Variants in OTUB2 observed in about 807,000 individuals in gnomAD.
OTUB2 encodes the protein ubiquitin thioesterase OTUB2.
Under a neutral mutation model 25.1 loss-of-function variants are expected in OTUB2, and 21 were observed. The observed-to-expected ratio is 0.84, with a 90% confidence interval of 0.59 to 1.21. The LOEUF (loss-of-function observed/expected upper bound fraction) is 1.21. Ranked by LOEUF, OTUB2 falls within the 50% of genes most tolerant of loss-of-function variation. OTUB2 has a pLI of 0.00. For missense variants in OTUB2, 283 were observed against 298.0 expected, an observed-to-expected ratio of 0.95 and a Z score of 0.37; for synonymous variants, 122 against 122.8, an observed-to-expected ratio of 0.99 and a Z score of 0.04.
intron 1 of OTUB2, among the ~76,000 whole-genome samples, chr14:94,033,214 G>A (rs1485056528): frequency 6.6e-6 from 1 of 152,068 alleles, no homozygotes; most frequent in Non-Finnish European, 1.5e-5. Flanking sequence ...CCGGCCCTAT[G>A]TAATATTTTT....
chr14:94,043,275 T>C (rs138317343), intron 3 of OTUB2, among the ~76,000 whole-genome samples: 123 of 152,296 alleles, frequency 8.1e-4, no homozygotes, highest in African/African-American at 2.9e-3. Context: ...GAGAACTAGG[T>C]GTGGCCTTAG....
At chr14:94,026,880 G>A (rs1040887748) in intron 1 of OTUB2, among the ~76,000 whole-genome samples, 3 of 152,172 alleles carry the variant, frequency 2.0e-5, no homozygotes, top group Admixed American at 6.5e-5. Context: ...GCAGCACTAC[G>A]GGTCGCCTCC....
In OTUB2 at chr14:94,046,407, G is replaced by A. The variant is rs1305229088; in HGVS notation, c.*485G>A. On this transcript the variant is annotated 3_prime_UTR_variant, in exon 6 of 6. Transcript: ENST00000203664. ...CTTGTTGGACTGGGCTCTGACAGATGGCCTATTGAGGTCAACTTGAATGTG... is the reference window on the plus strand; with the variant it reads ...CTTGTTGGACTGGGCTCTGACAGATAGCCTATTGAGGTCAACTTGAATGTG... The A allele has an allele frequency of 5.9e-6, 1 of 168,902 alleles. No homozygotes were observed. Among genetic ancestry groups the A allele is most frequent in the African/African-American group, 2.4e-5 (1 of 42,000 alleles). 10.5% of individuals were successfully genotyped at this position (168,902 alleles called of 1,614,324 possible). A position where few individuals can be genotyped will look rare whatever the true frequency, so the allele number is the denominator to read the frequency against.
At chr14:94,035,391 G>A (rs1346286163) in intron 1 of OTUB2, among the ~76,000 whole-genome samples, 1 of 143,988 alleles carries the variant, frequency 6.9e-6, no homozygotes, top group East Asian at 2.2e-4. Context: ...CCCGGTTTAA[G>A]AAATTCTCTA....
At chr14:94,037,103 C>T (rs1885069202) in intron 1 of OTUB2, among the ~76,000 whole-genome samples, 1 of 152,174 alleles carries the variant, frequency 6.6e-6, no homozygotes, top group Admixed American at 6.5e-5. Context: ...TTGAGGTACA[C>T]ATTCTGTGAA....
intron 3 of OTUB2, among the ~76,000 whole-genome samples, chr14:94,040,921 G>A (rs533368621): frequency 2.9e-4 from 44 of 152,336 alleles, no homozygotes; most frequent in Non-Finnish European, 5.6e-4. Flanking sequence ...ATAGGGCCTT[G>A]GGCCTTTCTA....
At chr14:94,032,030 G>A (rs531322532) in intron 1 of OTUB2, among the ~76,000 whole-genome samples, 2 of 152,354 alleles carry the variant, frequency 1.3e-5, no homozygotes, top group Non-Finnish European at 2.9e-5. Flanking sequence ...TGTGCCTGGG[G>A]TTCTTCCGGG....
At position 94,046,698 on chromosome 14, in the gene OTUB2, T is replaced by C. The variant is rs1885284480; in HGVS notation, c.*776T>C. 1 of 152,600 alleles carries C rather than the reference T, an allele frequency of 6.6e-6. No individual in the cohort carries two copies. The highest frequency in any genetic ancestry group is 6.5e-5 in the Admixed American group (1 of 15,272). The allele number at this position is 152,600 out of a possible 1,614,324, so 9.5% of individuals were successfully genotyped here. On this transcript the variant is annotated 3_prime_UTR_variant, in exon 6 of 6. Transcript: ENST00000203664. The stretch of plus-strand genomic sequence containing the variant: ...TAGGGTCTGGACCAGAATCTGTGTA[T>C]TTCTGTCTGGGACCAGGAAGCCGCA...
At chr14:94,034,556 T>C (rs992436183) in intron 1 of OTUB2, among the ~76,000 whole-genome samples, 1 of 152,206 alleles carries the variant, frequency 6.6e-6, no homozygotes, top group Non-Finnish European at 1.5e-5. Context: ...ATGGGTATAA[T>C]ACCCATCTCA....
Position 94,044,944 on chromosome 14 carries a change from C to T in OTUB2, c.498+164C>T, listed in dbSNP as rs574960464. 2.0e-5 allele frequency among the ~76,000 whole-genome samples: 3 copies of T among 152,332 alleles called. No individual in the cohort carries two copies. In the East Asian group the frequency reaches 5.8e-4, roughly 29 times the overall value. On this transcript the variant is annotated intron_variant, in intron 5 of 5. Transcript: ENST00000203664. ...CTGCAGACAGGTCCCACCTGAGCTGCCTGAGCTGTGTGGCCTGAGGCAAGT... is the reference window on the plus strand; with the variant it reads ...CTGCAGACAGGTCCCACCTGAGCTGTCTGAGCTGTGTGGCCTGAGGCAAGT...
chr14:94,026,388 C>A lies in OTUB2; in HGVS notation c.-150C>A, dbSNP rs1227550324. The A allele has an allele frequency of 7.9e-7, 1 of 1,257,904 alleles. No homozygotes were observed. The highest frequency in any genetic ancestry group is 1.0e-6 in the Non-Finnish European group (1 of 999,666). The allele number at this position is 1,257,904 out of a possible 1,614,324, so 77.9% of individuals were successfully genotyped here. A position where few individuals can be genotyped will look rare whatever the true frequency, so the allele number is the denominator to read the frequency against. On this transcript the variant is annotated 5_prime_UTR_variant, in exon 1 of 6. Transcript: ENST00000203664. ...CAGTGGAGGTCTAACCTTTGGTTTG[C>A]GGAGCGGTCGGGTGTATTCTCCGCC...
At chr14:94,032,224 G>C (rs1884976528) in intron 1 of OTUB2, among the ~76,000 whole-genome samples, 1 of 152,162 alleles carries the variant, frequency 6.6e-6, no homozygotes, top group South Asian at 2.1e-4. Flanking sequence ...TGGTGCGCTG[G>C]AGCTAGCCCA....
At chr14:94,042,344 C>T (rs571692192) in intron 3 of OTUB2, among the ~76,000 whole-genome samples, 3 of 152,298 alleles carry the variant, frequency 2.0e-5, no homozygotes, top group East Asian at 1.9e-4. Flanking sequence ...GCTTGCCTCT[C>T]GGGGGTGCAT....
chr14:94,028,202 G>A (rs1018077561), intron 1 of OTUB2, among the ~76,000 whole-genome samples: 4 of 152,202 alleles, frequency 2.6e-5, no homozygotes, highest in Admixed American at 6.5e-5. Flanking sequence ...AAAATATGAC[G>A]TCTGTCTGGT....
rs146895466 is a variant in OTUB2 at position 94,039,055 on chromosome 14, G to T, written c.192G>T (p.Leu64=). 1 of 1,614,182 alleles carries T rather than the reference G, an allele frequency of 6.2e-7. No homozygotes were observed. Among genetic ancestry groups the T allele is most frequent in the Non-Finnish European group, 8.5e-7 (1 of 1,180,028 alleles). The change falls in exon 3 of 6, where the codon CTG becomes CTT. Residue 64 remains leucine, a synonymous_variant. Coordinates refer to ENST00000203664, the MANE Select transcript of OTUB2 (RefSeq NM_023112.4). The part of the protein sequence containing the change: ...RALGYSYLES[L]LGKSREIFKF... The stretch of plus-strand genomic sequence containing the variant: ...TGGGCTATTCCTACCTGGAGTCCCT[G>T]CTGGGGAAGAGCAGGGAGATCTTCA...
In OTUB2 at chr14:94,046,890, AG is replaced by A. The variant is rs1885288136; in HGVS notation, c.*969del. 6.7e-6 allele frequency: 1 copy of A among 149,856 alleles called. No individual in the cohort carries two copies. Among genetic ancestry groups the A allele is most frequent in the African/African-American group, 2.5e-5 (1 of 39,876 alleles). 9.3% of individuals were successfully genotyped at this position (149,856 alleles called of 1,614,324 possible). ...CTTCTGCTCTCTTTATGGACTGGTC[AG>A]AGGGTAGGTGGGAAAGAACAGACAA... On this transcript the variant is annotated 3_prime_UTR_variant, in exon 6 of 6. Coordinates refer to ENST00000203664, the MANE Select transcript of OTUB2 (RefSeq NM_023112.4).
chr14:94,038,840 A>T, intron 2 of OTUB2, 123 bp from the exon 3 acceptor site: 1 of 850,658 alleles, frequency 1.2e-6, no homozygotes, highest in Non-Finnish European at 2.0e-6. Context: ...AGGGGATAGC[A>T]GCCTGAAGGG....
At position 94,026,474 on chromosome 14, in the gene OTUB2, G is replaced by T; in HGVS notation, c.-64G>T. On this transcript the variant is annotated 5_prime_UTR_variant, in exon 1 of 6. Coordinates refer to ENST00000203664, the MANE Select transcript of OTUB2 (RefSeq NM_023112.4). Reference sequence around the variant, plus strand: ...GCGGCGGAGCCCGCCCGCGCCTCCCGCGGCATTCCCGCACCGGATCGCTCC... The same window carrying T: ...GCGGCGGAGCCCGCCCGCGCCTCCCTCGGCATTCCCGCACCGGATCGCTCC... 1 of 1,326,010 alleles carries T rather than the reference G, an allele frequency of 7.5e-7. No homozygotes were observed. 82.1% of individuals were successfully genotyped at this position (1,326,010 alleles called of 1,614,324 possible).
chr14:94,031,682 G>A (rs556010523), intron 1 of OTUB2, among the ~76,000 whole-genome samples: 172 of 152,236 alleles, frequency 1.1e-3, no homozygotes, highest in African/African-American at 4.1e-3. Context: ...CCACGTCCTT[G>A]CGCTTTCTGC....
Sources: gnomAD v4.1 joint callset for allele counts (sites outside exome capture counted in the v4.1 genomes callset) on GRCh38, gnomAD v4.1.1 for gene constraint, MANE v1.5 for transcripts, NCBI Gene and HGNC (gene_info 2026-07-23, HGNC 2026-07-21) for gene names.